Variants in SORL1 observed in about 807,000 individuals in gnomAD.
SORL1 encodes sortilin-related receptor.
Under a neutral mutation model 273.7 loss-of-function variants are expected in SORL1, and 127 were observed. The observed-to-expected ratio is 0.46, with a 90% confidence interval of 0.40 to 0.54. The LOEUF (loss-of-function observed/expected upper bound fraction) is 0.54. Ranked by LOEUF, SORL1 falls within the 20% of genes least tolerant of loss-of-function variation. The probability of loss-of-function intolerance (pLI) is 0.00; values close to 1 mark genes in which losing one functional copy is unlikely to be tolerated. For missense variants in SORL1, 2,494 were observed against 2,846.1 expected (o/e 0.88, Z 2.81); for synonymous variants, 1,031 against 1,067.4 (o/e 0.97, Z 0.66).
At chr11:121,576,013 G>A (rs1197963752) in intron 24 of SORL1, among the ~76,000 whole-genome samples, 2 of 152,308 alleles carry the variant, frequency 1.3e-5, no homozygotes, top group Admixed American at 1.3e-4. Context: ...AAAAATATCT[G>A]ATTTACTAGC....
intron 11 of SORL1, among the ~76,000 whole-genome samples, chr11:121,523,646 T>C (rs2134859827): frequency 6.6e-6 from 1 of 152,032 alleles, no homozygotes; most frequent in East Asian, 1.9e-4. Flanking sequence ...CAGCCTCCCA[T>C]TGATTAAGGC....
chr11:121,590,442 C>T, intron 30 of SORL1: 1 of 500,138 alleles, frequency 2.0e-6, no homozygotes, highest in South Asian at 2.6e-5. Context: ...CAACCAGTAG[C>T]ATCTGCATCT....
At chr11:121,534,591 T>C (rs185750261) in intron 12 of SORL1, among the ~76,000 whole-genome samples, 1 of 152,268 alleles carries the variant, frequency 6.6e-6, no homozygotes, top group Non-Finnish European at 1.5e-5. Context: ...GACAGGTGCA[T>C]GTGTCCCACA....
intron 11 of SORL1, among the ~76,000 whole-genome samples, chr11:121,528,115 C>T (rs1862149172): frequency 6.6e-6 from 1 of 152,126 alleles, no homozygotes; most frequent in Non-Finnish European, 1.5e-5. Context: ...CTATATGCCA[C>T]ATATTTAGAT....
rs1026703201 is a variant in SORL1, at chr11:121,631,258, G to A, written c.*1695G>A. On this transcript the variant is annotated 3_prime_UTR_variant, in exon 48 of 48. Transcript: ENST00000260197. ...TATACTTAGATGAGTATTTTAAGCT[G>A]TCGACCTTTAGTTTGCCATACGGGT... is the stretch of plus-strand genomic sequence containing the variant. 6.6e-6 allele frequency: 1 copy of A among 152,150 alleles called. No homozygotes were observed. The highest frequency in any genetic ancestry group is 1.5e-5 in the Non-Finnish European group (1 of 68,030). 9.4% of individuals were successfully genotyped at this position (152,150 alleles called of 1,614,324 possible). A position where few individuals can be genotyped will look rare whatever the true frequency, so the allele number is the denominator to read the frequency against.
chr11:121,526,011 G>A (rs118170286), intron 11 of SORL1, among the ~76,000 whole-genome samples: 3,547 of 152,272 alleles, frequency 0.023, 67 homozygotes, highest in Middle Eastern at 0.034. Flanking sequence ...CTGGGCAATG[G>A]AATCAGAGCC....
At chr11:121,568,318 A>G (rs1862782273) in intron 22 of SORL1, among the ~76,000 whole-genome samples, 2 of 152,250 alleles carry the variant, frequency 1.3e-5, no homozygotes, top group African/African-American at 4.8e-5. Flanking sequence ...TTTCTTTCTT[A>G]GAAACAAGAG....
chr11:121,605,080 C>T, intron 33 of SORL1, 33 bp from the exon 34 acceptor site: 1 of 1,584,062 alleles, frequency 6.3e-7, no homozygotes, highest in Non-Finnish European at 8.6e-7. Context: ...CAAGATGTAA[C>T]TTTGTTTGTC....
chr11:121,602,996 ATGTCTCTCACCTGTCTTCTGTATTCTCTC>A (rs1863418339), intron 32 of SORL1, among the ~76,000 whole-genome samples: 1 of 152,116 alleles, frequency 6.6e-6, no homozygotes, highest in African/African-American at 2.4e-5. Flanking sequence ...GTGATGTTGC[ATGTCTCTCACCTGTCTTCTGTATTCTCTC>A]TGTCTCTCAC....
intron 3 of SORL1, among the ~76,000 whole-genome samples, chr11:121,486,566 G>A (rs1591296076): frequency 1.3e-5 from 2 of 149,168 alleles, no homozygotes; most frequent in Non-Finnish European, 1.5e-5. Flanking sequence ...TGCAAGCTCC[G>A]CCTCCTGGGT....
In SORL1 at chr11:121,537,098, A is replaced by T. The variant is rs118049392; in HGVS notation, c.1685+4546A>T. On this transcript the variant is annotated intron_variant, in intron 12 of 47. Coordinates refer to ENST00000260197, the MANE Select transcript of SORL1 (RefSeq NM_003105.6). ...GACCTTGAGCAAGGGCCAAAGCATG[A>T]TCAGTGGGGAATGTGCACGGCTCTT... Among the ~76,000 whole-genome samples the T allele has an allele frequency of 9.8e-5, 15 of 152,304 alleles. No individual in the cohort carries two copies. The East Asian group carries it at 2.5e-3, about 26-fold the overall frequency.
At chr11:121,456,930 G>C (rs545385779) in intron 1 of SORL1, among the ~76,000 whole-genome samples, 1 of 152,196 alleles carries the variant, frequency 6.6e-6, no homozygotes, top group African/African-American at 2.4e-5. Context: ...ACTTGCTTGG[G>C]AAAGAATTGG....
chr11:121,536,721 A>T (rs1249167394), intron 12 of SORL1, among the ~76,000 whole-genome samples: 1 of 151,826 alleles, frequency 6.6e-6, no homozygotes, highest in South Asian at 2.1e-4. Flanking sequence ...ATCACCTTTT[A>T]ACTGTTAAGA....
At position 121,550,158 on chromosome 11, in the gene SORL1, C is replaced by A. The variant is rs778987535; in HGVS notation, c.2180+70C>A. 1.9e-5 allele frequency: 28 copies of A among 1,487,490 alleles called. No homozygotes were observed. The highest frequency in any genetic ancestry group is 2.5e-5 in the Non-Finnish European group (28 of 1,100,580). The allele number at this position is 1,487,490 out of a possible 1,614,324, so 92.1% of individuals were successfully genotyped here. A position where few individuals can be genotyped will look rare whatever the true frequency, so the allele number is the denominator to read the frequency against. On this transcript the variant is annotated intron_variant, in intron 15 of 47. Transcript: ENST00000260197. The surrounding 1 kb of genome is among the most constrained non-coding windows in gnomAD (Gnocchi z 5.3). ...ACATGGAGCGAGAGAGCATAGAGGA[C>A]CGTCTGGATTGCTCTACACTCGAAA...
chr11:121,566,259 C>CT (rs897687199), intron 21 of SORL1, among the ~76,000 whole-genome samples: 7 of 151,466 alleles, frequency 4.6e-5, no homozygotes, highest in Admixed American at 2.0e-4. Context: ...AAGCCTCTTT[C>CT]TTTTTAAAAA....
Position 121,610,213 on chromosome 11 carries a change from A to G in SORL1, c.5240-863A>G, listed in dbSNP as rs558718711. ...TAATATGCAAGTTGTTGTTTAAATAATATTTTCTGATAATATTGATCCATT... is the reference window on the plus strand; with the variant it reads ...TAATATGCAAGTTGTTGTTTAAATAGTATTTTCTGATAATATTGATCCATT... On this transcript the variant is annotated intron_variant, in intron 38 of 47. Transcript: ENST00000260197. 5 of 152,312 alleles carry G rather than the reference A, an allele frequency of 3.3e-5. No homozygotes were observed. In the East Asian group the frequency reaches 9.6e-4, roughly 29 times the overall value. The allele number at this position is 152,312 out of a possible 1,614,324, so 9.4% of individuals were successfully genotyped here. A position where few individuals can be genotyped will look rare whatever the true frequency, so the allele number is the denominator to read the frequency against.
chr11:121,492,919 C>T (rs1215497209), intron 5 of SORL1, among the ~76,000 whole-genome samples: 1 of 151,288 alleles, frequency 6.6e-6, no homozygotes, highest in Non-Finnish European at 1.5e-5. Flanking sequence ...TTCTCTGCCT[C>T]AGCCTCCTGA....
At chr11:121,518,478 A>G (rs1861986488) in intron 8 of SORL1, among the ~76,000 whole-genome samples, 1 of 152,194 alleles carries the variant, frequency 6.6e-6, no homozygotes, top group African/African-American at 2.4e-5. Context: ...GACTCGGGAA[A>G]GAAACAGGGC....
intron 24 of SORL1, chr11:121,576,774 G>T: frequency 6.7e-7 from 1 of 1,487,370 alleles, no homozygotes. Flanking sequence ...AAAGTCCCGA[G>T]TTATGTTTCC....
Sources: gnomAD v4.1 joint callset for allele counts (sites outside exome capture counted in the v4.1 genomes callset) on GRCh38, gnomAD v4.1.1 for gene constraint, Gnocchi (gnomAD v3.1) non-coding constraint, MANE v1.5 for transcripts, NCBI Gene and HGNC (gene_info 2026-07-23, HGNC 2026-07-21) for gene names.